ANTXR2: variants seen among roughly 807,000 people sequenced by gnomAD.
The protein encoded by ANTXR2 is ANTXR cell adhesion molecule 2, also known as anthrax toxin receptor 2.
Under a neutral mutation model 73.7 loss-of-function variants are expected in ANTXR2, and 44 were observed. The ratio of observed to expected loss-of-function variants is 0.60; its 90% CI spans 0.47 to 0.77. The LOEUF (loss-of-function observed/expected upper bound fraction) is 0.77. ANTXR2 is among the 30% of genes least tolerant of loss of function. ANTXR2 has a pLI of 0.00. For synonymous variants in ANTXR2, 217 were observed against 205.9 expected (o/e 1.05, Z -0.46); for missense variants, 604 against 592.5 (o/e 1.02, Z -0.20).
intron 3 of ANTXR2, among the ~76,000 whole-genome samples, chr4:80,057,784 T>C (rs929242324): frequency 2.6e-5 from 4 of 152,046 alleles, no homozygotes; most frequent in African/African-American, 9.7e-5. Flanking sequence ...TCAACTACAC[T>C]GAAAGTTTAC....
chr4:79,972,985 A>C (rs1729485580), intron 16 of ANTXR2, among the ~76,000 whole-genome samples: 1 of 151,818 alleles, frequency 6.6e-6, no homozygotes, highest in Non-Finnish European at 1.5e-5. Flanking sequence ...AAGCCAACTG[A>C]AAATTAACAT....
Position 80,055,923 on chromosome 4 carries a change from A to G in ANTXR2, c.378+9T>C. On this transcript the variant is annotated intron_variant, in intron 4 of 16. Transcript: ENST00000403729. ...TCTCTCCCATATTTACAAATGTAAA[A>G]TAACTTACTAGCTTTAGTCCTTCAT... The G allele has an allele frequency of 6.6e-7, 1 of 1,507,540 alleles. No individual in the cohort carries two copies. Among genetic ancestry groups the G allele is most frequent in the Non-Finnish European group, 8.9e-7 (1 of 1,119,840 alleles). 93.4% of individuals were successfully genotyped at this position (1,507,540 alleles called of 1,614,324 possible).
intron 12 of ANTXR2, among the ~76,000 whole-genome samples, chr4:80,003,571 A>G (rs112676379): frequency 0.099 from 14,995 of 151,942 alleles, 2,422 homozygotes; most frequent in African/African-American, 0.34. Flanking sequence ...TAATAATAAA[A>G]TAAAATAAAA....
At chr4:80,024,238 CAGA>C (rs1732310625) in intron 10 of ANTXR2, among the ~76,000 whole-genome samples, 1 of 152,146 alleles carries the variant, frequency 6.6e-6, no homozygotes, top group Non-Finnish European at 1.5e-5. Flanking sequence ...ATAGGGAACA[CAGA>C]AGGAGCAAGT....
At chr4:79,966,040 A>G (rs943856165) in intron 16 of ANTXR2, among the ~76,000 whole-genome samples, 14 of 151,866 alleles carry the variant, frequency 9.2e-5, no homozygotes, top group African/African-American at 2.4e-4. Flanking sequence ...TTAGAGCCCA[A>G]TTGTAGGTAT....
intron 14 of ANTXR2, among the ~76,000 whole-genome samples, chr4:79,978,427 A>G (rs1456773192): frequency 6.6e-6 from 1 of 151,774 alleles, no homozygotes; most frequent in Non-Finnish European, 1.5e-5. Context: ...TGAAGCAACC[A>G]TTTTTCCATA....
intron 12 of ANTXR2, among the ~76,000 whole-genome samples, chr4:79,993,218 G>GA (rs1467130136): frequency 2.6e-5 from 4 of 151,698 alleles, no homozygotes; most frequent in African/African-American, 9.7e-5. Flanking sequence ...TTAGGAAGAG[G>GA]AAAAGGAAAG....
chr4:80,014,579 T>A (rs79224968), intron 11 of ANTXR2, among the ~76,000 whole-genome samples: 14,324 of 151,702 alleles, frequency 0.094, 770 homozygotes, highest in Middle Eastern at 0.23. Context: ...AATATATATA[T>A]ATAAATAAAT....
intron 12 of ANTXR2, among the ~76,000 whole-genome samples, chr4:79,986,812 G>C (rs999183436): frequency 6.6e-6 from 1 of 152,114 alleles, no homozygotes; most frequent in Non-Finnish European, 1.5e-5. Context: ...TTGACCTCGA[G>C]AGGTCAAAGA....
chr4:80,062,717 T>A (rs1462429100), intron 3 of ANTXR2, among the ~76,000 whole-genome samples: 1 of 152,238 alleles, frequency 6.6e-6, no homozygotes, highest in Admixed American at 6.5e-5. Flanking sequence ...GAGTTGTGAC[T>A]AATTCTGACT....
chr4:79,931,935 C>T (rs1578094201), intron 16 of ANTXR2, among the ~76,000 whole-genome samples: 3 of 152,242 alleles, frequency 2.0e-5, no homozygotes, highest in African/African-American at 7.2e-5. Context: ...TTATTTTTTT[C>T]TCTATAGCCC....
At chr4:79,991,093 A>G (rs1730445247) in intron 12 of ANTXR2, among the ~76,000 whole-genome samples, 1 of 152,062 alleles carries the variant, frequency 6.6e-6, no homozygotes, top group Non-Finnish European at 1.5e-5. Flanking sequence ...AAGAAAAAAT[A>G]AACAAGTAGG....
At chr4:80,071,741 G>C (rs912568010) in intron 1 of ANTXR2, 87 bp from the exon 2 acceptor site, 49 of 1,055,220 alleles carry the variant, frequency 4.6e-5, no homozygotes, top group Non-Finnish European at 7.0e-5. Flanking sequence ...TCAATGCCAC[G>C]AACATAGGGG....
In ANTXR2 at chr4:79,907,444, T is replaced by C. The variant is rs1364350547; in HGVS notation, c.1452A>G (p.Arg484=). 1.2e-6 allele frequency: 2 copies of C among 1,613,280 alleles called. No individual in the cohort carries two copies. Among genetic ancestry groups the C allele is most frequent in the Admixed American group, 1.7e-5 (1 of 59,970 alleles). Residue 484 remains arginine (R), a synonymous_variant, in exon 17 of 17, where the codon CGA becomes CGG. Coordinates refer to ENST00000403729, the MANE Select transcript of ANTXR2 (RefSeq NM_058172.6). ...GDEGRCINFS[R]VPSQ is the part of the protein sequence containing the mutation. ...TGCTTCCCTTTTACTGAGATGGAAC[T>C]CGGGAGAAGTTTATGCACCGGCCCT...
chr4:79,957,938 G>T (rs1366317521), intron 16 of ANTXR2, among the ~76,000 whole-genome samples: 1 of 151,764 alleles, frequency 6.6e-6, no homozygotes, highest in Non-Finnish European at 1.5e-5. Context: ...AAGTGATTAG[G>T]GCTGCAATAG....
chr4:80,063,410 A>G (rs1398548772), intron 3 of ANTXR2, among the ~76,000 whole-genome samples: 1 of 146,752 alleles, frequency 6.8e-6, no homozygotes, highest in African/African-American at 2.6e-5. Flanking sequence ...TTTTGATTCC[A>G]AGATAGTAAC....
At chr4:79,908,428 A>G (rs988726862) in intron 16 of ANTXR2, among the ~76,000 whole-genome samples, 2 of 152,214 alleles carry the variant, frequency 1.3e-5, no homozygotes, top group Non-Finnish European at 2.9e-5. Flanking sequence ...AAAGCAACAA[A>G]ACATTGTTGA....
intron 16 of ANTXR2, among the ~76,000 whole-genome samples, chr4:79,966,454 A>G (rs1276152827): frequency 6.6e-6 from 1 of 152,178 alleles, no homozygotes; most frequent in Non-Finnish European, 1.5e-5. Context: ...ACCAAAGCAG[A>G]TCATCCCATT....
Position 80,072,822 on chromosome 4 carries a change from TC to T in ANTXR2, c.-263del. 1.3e-6 allele frequency: 1 copy of T among 799,474 alleles called. No individual in the cohort carries two copies. The highest frequency in any genetic ancestry group is 1.7e-6 in the Non-Finnish European group (1 of 591,730). The allele number at this position is 799,474 out of a possible 1,614,324, so 49.5% of individuals were successfully genotyped here. A position where few individuals can be genotyped will look rare whatever the true frequency, so the allele number is the denominator to read the frequency against. On this transcript the variant is annotated 5_prime_UTR_variant, in exon 1 of 17. Transcript: ENST00000403729. ...TCCCAGTGGAAGCGCGATCCAGTCC[TC>T]CCCCTCCCGATTCCGGAGAGTTCCT...
Sources: gnomAD v4.1 joint callset for allele counts (sites outside exome capture counted in the v4.1 genomes callset) on GRCh38, gnomAD v4.1.1 for gene constraint, MANE v1.5 for transcripts, NCBI Gene and HGNC (gene_info 2026-07-23, HGNC 2026-07-21) for gene names.